DLGAP2: variants seen among roughly 807,000 people sequenced by gnomAD.
DLGAP2 encodes disks large-associated protein 2.
In DLGAP2, 26 loss-of-function variants were observed where a neutral mutation model predicts 100.3. That is an observed-to-expected ratio of 0.26 (90% confidence interval 0.19 to 0.36). The LOEUF is 0.36. Among genes scored for constraint, DLGAP2 ranks in the 10% least tolerant of loss-of-function variants. The pLI, the probability that DLGAP2 is intolerant of heterozygous loss-of-function variation, is 1.00. For missense variants in DLGAP2, 1,858 were observed against 1,453.2 expected (o/e 1.28, Z -4.53); for synonymous variants, 886 against 630.1 (o/e 1.41, Z -6.08).
chr8:776,338 G>A (rs1377795624), intron 1 of DLGAP2, among the ~76,000 whole-genome samples: 1 of 151,854 alleles, frequency 6.6e-6, no homozygotes, highest in Non-Finnish European at 1.5e-5. Flanking sequence ...GGTTTTTTGT[G>A]TCTCTATTTC....
At chr8:1,354,543 C>G (rs1019638184) in intron 3 of DLGAP2, among the ~76,000 whole-genome samples, 6 of 152,084 alleles carry the variant, frequency 3.9e-5, no homozygotes, top group African/African-American at 1.4e-4. Flanking sequence ...AAGAAAATAC[C>G]TTGGAATGAA....
At chr8:767,197 G>A (rs1014348000) in intron 1 of DLGAP2, among the ~76,000 whole-genome samples, 2 of 152,046 alleles carry the variant, frequency 1.3e-5, no homozygotes, top group Non-Finnish European at 2.9e-5. Context: ...GATCCTTGTG[G>A]TCCTGCATGA....
chr8:1,244,115 G>A (rs1798857096), intron 2 of DLGAP2, among the ~76,000 whole-genome samples: 1 of 152,198 alleles, frequency 6.6e-6, no homozygotes. Flanking sequence ...TAGGGATGGT[G>A]AGTGTCGGAT....
chr8:786,999 C>T (rs908619528), intron 1 of DLGAP2, among the ~76,000 whole-genome samples: 23 of 152,300 alleles, frequency 1.5e-4, no homozygotes, highest in Admixed American at 4.6e-4. Flanking sequence ...TAACCAGGAA[C>T]AAGACCTTTC....
intron 6 of DLGAP2, among the ~76,000 whole-genome samples, chr8:1,603,173 C>G (rs1309620920): frequency 1.4e-5 from 2 of 146,928 alleles, no homozygotes; most frequent in African/African-American, 5.1e-5. Flanking sequence ...TCTACAGAGG[C>G]TGGTTAGAGT....
At chr8:905,339 C>A (rs1031142893) in intron 1 of DLGAP2, among the ~76,000 whole-genome samples, 2 of 151,998 alleles carry the variant, frequency 1.3e-5, no homozygotes, top group Non-Finnish European at 2.9e-5. Flanking sequence ...AGGGGTCAGG[C>A]GTACTTGGCT....
intron 1 of DLGAP2, among the ~76,000 whole-genome samples, chr8:865,167 C>T (rs1448296320): frequency 3.9e-5 from 6 of 152,304 alleles, no homozygotes; most frequent in Non-Finnish European, 5.9e-5. Context: ...CCCACCAGGA[C>T]GACGGGTGCC....
chr8:1,634,646 C>G (rs577926681), intron 8 of DLGAP2, among the ~76,000 whole-genome samples: 1 of 152,282 alleles, frequency 6.6e-6, no homozygotes, highest in African/African-American at 2.4e-5. Flanking sequence ...GAGATCATTA[C>G]TCATACTTTC....
At chr8:1,478,660 C>A (rs964169176) in intron 3 of DLGAP2, among the ~76,000 whole-genome samples, 1 of 152,132 alleles carries the variant, frequency 6.6e-6, no homozygotes, top group Non-Finnish European at 1.5e-5. Context: ...TCCATTGACA[C>A]CGGAGATGCC....
At chr8:1,527,337 G>A (rs1021847296) in intron 4 of DLGAP2, among the ~76,000 whole-genome samples, 13 of 152,244 alleles carry the variant, frequency 8.5e-5, no homozygotes, top group South Asian at 2.1e-4. Context: ...GATCCCCTCC[G>A]GGAGGGGCCA....
At chr8:1,355,962 G>A (rs4876218) in intron 3 of DLGAP2, among the ~76,000 whole-genome samples, 73,205 of 152,068 alleles carry the variant, frequency 0.48, 17,927 homozygotes, top group African/African-American at 0.54. Flanking sequence ...GGGAAGCACC[G>A]GTGGCCTCAC....
chr8:893,665 A>G (rs996593737), intron 1 of DLGAP2, among the ~76,000 whole-genome samples: 4 of 152,216 alleles, frequency 2.6e-5, no homozygotes, highest in African/African-American at 9.6e-5. Flanking sequence ...CTGTGGTTTC[A>G]TGACAGCATC....
intron 2 of DLGAP2, among the ~76,000 whole-genome samples, chr8:1,068,801 G>A (rs1803336844): frequency 6.6e-6 from 1 of 151,906 alleles, no homozygotes; most frequent in South Asian, 2.1e-4. Flanking sequence ...AGTGTTCCCA[G>A]GGAGACCTCG....
At chr8:1,073,321 G>C (rs572473018) in intron 2 of DLGAP2, among the ~76,000 whole-genome samples, 2 of 152,126 alleles carry the variant, frequency 1.3e-5, no homozygotes, top group East Asian at 3.9e-4. Flanking sequence ...CAAATCATTT[G>C]TTTTACTAAA....
chr8:1,164,685 G>T (rs994417736), intron 2 of DLGAP2, among the ~76,000 whole-genome samples: 12 of 152,288 alleles, frequency 7.9e-5, no homozygotes, highest in Admixed American at 5.2e-4. Flanking sequence ...GCATTCTCTG[G>T]ATCTCCATCG....
intron 1 of DLGAP2, among the ~76,000 whole-genome samples, chr8:785,571 C>T (rs1199488003): frequency 7.0e-6 from 1 of 142,778 alleles, no homozygotes; most frequent in African/African-American, 2.6e-5. Flanking sequence ...GGCCTCCCTC[C>T]CCTCAGGCCC....
intron 8 of DLGAP2, among the ~76,000 whole-genome samples, chr8:1,655,899 T>C (rs1157159432): frequency 6.6e-6 from 1 of 152,244 alleles, no homozygotes; most frequent in Non-Finnish European, 1.5e-5. Flanking sequence ...GCCGTCATGA[T>C]GAGGAAGACG....
At chr8:1,040,660 C>T (rs905329560) in intron 2 of DLGAP2, among the ~76,000 whole-genome samples, 5 of 150,538 alleles carry the variant, frequency 3.3e-5, no homozygotes, top group African/African-American at 1.2e-4. Flanking sequence ...GCGTGGTCGG[C>T]TTGGTGTGTG....
Position 1,046,552 on chromosome 8 carries a change from G to A in DLGAP2, c.73+138586G>A, listed in dbSNP as rs527511403. On this transcript the variant is annotated intron_variant, in intron 2 of 14. Transcript: ENST00000637795. ...TAAGTAAGAATCCACATTGCATGTG[G>A]GCGTGTTTGAGGCTTTTTCACCTAA... Among the ~76,000 whole-genome samples the A allele has an allele frequency of 4.6e-5, 7 of 152,250 alleles. No homozygotes were observed. In the South Asian group the frequency reaches 1.5e-3, roughly 32 times the overall value.
Sources: gnomAD v4.1 joint callset for allele counts (sites outside exome capture counted in the v4.1 genomes callset) on GRCh38, gnomAD v4.1.1 for gene constraint, MANE v1.5 for transcripts, NCBI Gene and HGNC (gene_info 2026-07-23, HGNC 2026-07-21) for gene names.